IFNAR2: variants seen among roughly 807,000 people sequenced by gnomAD.
The protein encoded by IFNAR2 is interferon alpha and beta receptor subunit 2, also known as interferon alpha/beta receptor 2.
IFNAR2 carries 30 observed loss-of-function variants against 49.4 expected under a neutral mutation model. The observed-to-expected ratio is 0.61, with a 90% CI of 0.45 to 0.82. The LOEUF is 0.82. Among genes scored for constraint, IFNAR2 ranks in the 40% least tolerant of loss-of-function variants. IFNAR2 has a pLI of 0.00. For synonymous variants in IFNAR2, 224 were observed against 234.5 expected, an observed-to-expected ratio of 0.96 and a Z score of 0.41; for missense variants, 600 against 622.7, an observed-to-expected ratio of 0.96 and a Z score of 0.39.
At chr21:33,248,671 C>G in intron 5 of IFNAR2, 38 bp from the exon 6 acceptor site, 1 of 1,567,390 alleles carries the variant, frequency 6.4e-7, no homozygotes, top group Admixed American at 1.8e-5. Flanking sequence ...CATATGGTCT[C>G]TGTGACATAT....
rs1988860857 is a variant in IFNAR2 at position 33,264,701 on chromosome 21, A to T, written c.*1201A>T. On this transcript the variant is annotated 3_prime_UTR_variant, in exon 9 of 9. Coordinates refer to ENST00000342136, the MANE Select transcript of IFNAR2 (RefSeq NM_001289125.3). The stretch of plus-strand genomic sequence containing the variant: ...TGGGGGGGTGTGGGCGGGGGAAGGG[A>T]AGTCTGGCCCGGAGCAATTGCTCCT... 1 of 151,930 alleles carries T rather than the reference A, an allele frequency of 6.6e-6. No individual in the cohort carries two copies. Among genetic ancestry groups the T allele is most frequent in the South Asian group, 2.1e-4 (1 of 4,814 alleles). 9.4% of individuals were successfully genotyped at this position (151,930 alleles called of 1,614,324 possible).
chr21:33,243,972 A>C (rs1568882915), intron 3 of IFNAR2, among the ~76,000 whole-genome samples: 2 of 152,352 alleles, frequency 1.3e-5, no homozygotes, highest in East Asian at 3.9e-4. Flanking sequence ...TAATAATCTC[A>C]CTAATAAAAG....
chr21:33,247,114 C>T (rs1432692611), intron 5 of IFNAR2, among the ~76,000 whole-genome samples: 1 of 152,106 alleles, frequency 6.6e-6, no homozygotes, highest in East Asian at 1.9e-4. Context: ...TGCAGATTTG[C>T]CCCGTGCCTG....
Position 33,242,758 on chromosome 21 carries a change from CGTGTGTGTGTGTGTGT to C in IFNAR2, c.55+812_55+827del, listed in dbSNP as rs375640331. ...AAAAAAAAAAAAAAAATCTCGTGTG[CGTGTGTGTGTGTGTGT>C]GTGTGTGTGTGTGTGTGTGTGTGTG... On this transcript the variant is annotated intron_variant, in intron 2 of 8. Transcript: ENST00000342136. 1.7e-3 allele frequency among the ~76,000 whole-genome samples: 131 copies of C among 76,570 alleles called. 19 individuals are homozygous for C. The highest frequency in any genetic ancestry group is 6.0e-3 in the Middle Eastern group (1 of 166). 50.2% of individuals were successfully genotyped at this position (76,570 alleles called of 152,430 possible). A position where few individuals can be genotyped will look rare whatever the true frequency, so the allele number is the denominator to read the frequency against.
At chr21:33,240,471 T>C (rs1986837302) in intron 1 of IFNAR2, among the ~76,000 whole-genome samples, 2 of 152,174 alleles carry the variant, frequency 1.3e-5, no homozygotes, top group African/African-American at 4.8e-5. Context: ...AACACAGCAC[T>C]GTTCACAGTT....
intron 7 of IFNAR2, among the ~76,000 whole-genome samples, chr21:33,257,218 C>T (rs2067947963): frequency 6.6e-6 from 1 of 152,134 alleles, no homozygotes; most frequent in African/African-American, 2.4e-5. Flanking sequence ...AAGGGCAGTT[C>T]CTTATGTGTC....
intron 1 of IFNAR2, among the ~76,000 whole-genome samples, chr21:33,237,078 G>GGTGGGTGTGTGTGTGTGTGTGTGTGTGT (rs57276350): frequency 4.7e-5 from 7 of 147,588 alleles, no homozygotes; most frequent in African/African-American, 1.5e-4. Flanking sequence ...GGGAGAATGG[G>GGTGGGTGTGTGTGTGTGTGTGTGTGTGT]GTGTGTGTGT....
intron 2 of IFNAR2, among the ~76,000 whole-genome samples, chr21:33,243,202 C>T (rs914357768): frequency 3.3e-5 from 5 of 152,090 alleles, no homozygotes; most frequent in Non-Finnish European, 7.4e-5. Context: ...CCTGCCTTAG[C>T]CTCCCAAGTA....
chr21:33,249,997 G>A (rs1484050914), intron 6 of IFNAR2, among the ~76,000 whole-genome samples: 1 of 152,104 alleles, frequency 6.6e-6, no homozygotes, highest in African/African-American at 2.4e-5. Flanking sequence ...GAAGCCTGTG[G>A]AACCCAAGGC....
intron 1 of IFNAR2, among the ~76,000 whole-genome samples, chr21:33,237,928 T>TA (rs762963472): frequency 2.0e-5 from 3 of 152,124 alleles, no homozygotes; most frequent in Non-Finnish European, 2.9e-5. Flanking sequence ...AGCAAAGAGA[T>TA]AAAGCAGATA....
intron 6 of IFNAR2, chr21:33,252,246 G>A (rs868221820): frequency 8.7e-6 from 4 of 460,302 alleles, no homozygotes; most frequent in South Asian, 4.8e-5. Flanking sequence ...CCGTTGAATG[G>A]AGGTAATGCC....
At chr21:33,238,788 A>T (rs1601790888) in intron 1 of IFNAR2, among the ~76,000 whole-genome samples, 1 of 145,956 alleles carries the variant, frequency 6.9e-6, no homozygotes, top group Non-Finnish European at 1.5e-5. Context: ...AAAAAAAAAA[A>T]CTGCAAACCA....
In IFNAR2 at chr21:33,253,002, T is replaced by C. The variant is rs1315498952; in HGVS notation, c.709+172T>C. 14 of 649,972 alleles carry C rather than the reference T, an allele frequency of 2.2e-5. No homozygotes were observed. The African/African-American group carries it at 2.4e-4, about 11-fold the overall frequency. The allele number at this position is 649,972 out of a possible 1,614,324, so 40.3% of individuals were successfully genotyped here. On this transcript the variant is annotated intron_variant, in intron 7 of 8. Transcript: ENST00000342136. Reference sequence around the variant, plus strand: ...GGTTCGTGTGTATGATCTGGTAGAGTCACTTTTATATTGTCATACCAAAAA... The same window carrying C: ...GGTTCGTGTGTATGATCTGGTAGAGCCACTTTTATATTGTCATACCAAAAA...
chr21:33,262,597 A>C (rs770418409), intron 8 of IFNAR2, 196 bp from the exon 9 acceptor site: 6 of 768,196 alleles, frequency 7.8e-6, no homozygotes, highest in Non-Finnish European at 1.4e-5. Context: ...TGCAGTGGCT[A>C]TTCACAGGTG....
At chr21:33,249,963 G>T (rs914399835) in intron 6 of IFNAR2, among the ~76,000 whole-genome samples, 1 of 152,024 alleles carries the variant, frequency 6.6e-6, no homozygotes, top group Non-Finnish European at 1.5e-5. Context: ...GGAGTTTGTG[G>T]GTCTGGGTCT....
chr21:33,238,566 G>T (rs1986659646), intron 1 of IFNAR2, among the ~76,000 whole-genome samples: 2 of 152,168 alleles, frequency 1.3e-5, no homozygotes, highest in African/African-American at 4.8e-5. Flanking sequence ...TTCTCACCTT[G>T]GAGTAGGGAA....
chr21:33,239,625 A>G (rs1394619875), intron 1 of IFNAR2, among the ~76,000 whole-genome samples: 1 of 146,032 alleles, frequency 6.8e-6, no homozygotes, highest in Non-Finnish European at 1.5e-5. Context: ...CAGAGTGGTG[A>G]CAGCCCTCAA....
Position 33,263,096 on chromosome 21 carries a change from A to G in IFNAR2, c.1144A>G (p.Lys382Glu). ...EVDVELPTMP[K>E]DSPQQLELLS... Reference sequence around the variant, plus strand: ...TGATGTGGAGCTCCCCACGATGCCAAAGGACAGCCCTCAGCAGTTGGAACT... The same window carrying G: ...TGATGTGGAGCTCCCCACGATGCCAGAGGACAGCCCTCAGCAGTTGGAACT... The change falls in exon 9 of 9, where the codon AAG becomes GAG. Residue 382 changes from lysine (K) to glutamate (E), a missense_variant. Physicochemically the swap from Lys to Glu is moderately conservative, Grantham distance 56. Transcript: ENST00000342136. 1 of 1,614,164 alleles carries G rather than the reference A, an allele frequency of 6.2e-7. No homozygotes were observed. The highest frequency in any genetic ancestry group is 8.5e-7 in the Non-Finnish European group (1 of 1,180,016).
chr21:33,233,303 A>G (rs1051071847), intron 1 of IFNAR2, among the ~76,000 whole-genome samples: 5 of 152,222 alleles, frequency 3.3e-5, no homozygotes, highest in Admixed American at 2.6e-4. Flanking sequence ...TATGAAAGAC[A>G]AAATACAATC....
Sources: gnomAD v4.1 joint callset for allele counts (sites outside exome capture counted in the v4.1 genomes callset) on GRCh38, gnomAD v4.1.1 for gene constraint, MANE v1.5 for transcripts, NCBI Gene and HGNC (gene_info 2026-07-23, HGNC 2026-07-21) for gene names.